NOL4L: variants seen among roughly 807,000 people sequenced by gnomAD.
The protein encoded by NOL4L is nucleolar protein 4 like, also known as nucleolar protein 4-like.
In NOL4L, 7 loss-of-function variants were observed where a neutral mutation model predicts 64.5. That is an observed-to-expected ratio of 0.11 (90% confidence interval 0.06 to 0.20). The LOEUF is 0.20. Among genes scored for constraint, NOL4L ranks in the 10% least tolerant of loss-of-function variants. NOL4L has a pLI of 1.00. For synonymous variants in NOL4L, 413 were observed against 401.0 expected (o/e 1.03, Z -0.36); for missense variants, 680 against 967.1 (o/e 0.70, Z 3.94).
chr20:32,579,312 C>A (rs1368776072), intron 1 of NOL4L, among the ~76,000 whole-genome samples: 1 of 152,180 alleles, frequency 6.6e-6, no homozygotes, highest in African/African-American at 2.4e-5. Flanking sequence ...ACACTCACAC[C>A]CACACAGTTG....
intron 10 of NOL4L, 73 bp downstream of exon 10, chr20:32,452,163 C>A: frequency 7.5e-7 from 1 of 1,341,508 alleles, no homozygotes; most frequent in Non-Finnish European, 9.8e-7. Context: ...CCCCATTCCG[C>A]TGCCCAGGGC....
intron 1 of NOL4L, among the ~76,000 whole-genome samples, chr20:32,548,173 C>T (rs1252883221): frequency 6.6e-6 from 1 of 152,200 alleles, no homozygotes; most frequent in Non-Finnish European, 1.5e-5. Flanking sequence ...TGCCCAAAGA[C>T]AGGTGGGATG....
intron 4 of NOL4L, among the ~76,000 whole-genome samples, chr20:32,506,706 C>A (rs1052965619): frequency 6.6e-6 from 1 of 152,176 alleles, no homozygotes; most frequent in Admixed American, 6.5e-5. Flanking sequence ...CTTCCTGGCA[C>A]TAGCCCCTTC....
intron 1 of NOL4L, among the ~76,000 whole-genome samples, chr20:32,577,187 G>A (rs983216323): frequency 3.3e-5 from 5 of 152,214 alleles, no homozygotes; most frequent in African/African-American, 4.8e-5. Flanking sequence ...GACCCCTGCC[G>A]GAGGGAGGCA....
chr20:32,505,362 A>C (rs192595526), intron 4 of NOL4L, among the ~76,000 whole-genome samples: 1 of 152,334 alleles, frequency 6.6e-6, no homozygotes, highest in East Asian at 1.9e-4. Flanking sequence ...AGTAAACAAA[A>C]TGTGGTTAAT....
chr20:32,456,119 T>C lies in NOL4L; in HGVS notation c.1118A>G (p.Glu373Gly), dbSNP rs766365651. 6.6e-7 allele frequency: 1 copy of C among 1,524,580 alleles called. No homozygotes were observed. Among genetic ancestry groups the C allele is most frequent in the South Asian group, 1.3e-5 (1 of 77,548 alleles). 94.4% of individuals were successfully genotyped at this position (1,524,580 alleles called of 1,614,324 possible). The change falls in exon 6 of 11, where the codon GAG becomes GGG. Residue 373 changes from glutamate to glycine, a missense_variant and splice_region_variant. Transcript: ENST00000621426. ...GACTCAGCCCCCAGCCCCACACACCTCGGGGGTGGTCTTCACCCCGTATTT... is the reference window on the plus strand; with the variant it reads ...GACTCAGCCCCCAGCCCCACACACCCCGGGGGTGGTCTTCACCCCGTATTT... ...RVKYGVKTTPESPPYSSGSYD... is the reference protein window; with the variant it reads ...RVKYGVKTTPGSPPYSSGSYD...
chr20:32,542,835 C>G (rs1294215069), intron 1 of NOL4L, among the ~76,000 whole-genome samples: 9 of 152,236 alleles, frequency 5.9e-5, no homozygotes, highest in Non-Finnish European at 1.3e-4. Context: ...ATTCCAAGCT[C>G]TAGCTCTGGT....
intron 1 of NOL4L, among the ~76,000 whole-genome samples, chr20:32,530,477 C>T (rs1313859687): frequency 6.6e-6 from 1 of 151,706 alleles, no homozygotes; most frequent in Admixed American, 6.6e-5. Flanking sequence ...GGAGGCAGAG[C>T]TTGCAGTGAG....
At chr20:32,561,781 G>C (rs1979035546) in intron 1 of NOL4L, among the ~76,000 whole-genome samples, 2 of 152,168 alleles carry the variant, frequency 1.3e-5, no homozygotes, top group Admixed American at 1.3e-4. Flanking sequence ...GAATGGGGAG[G>C]ACCTAAAAGG....
At chr20:32,554,412 C>T (rs970028793) in intron 1 of NOL4L, among the ~76,000 whole-genome samples, 6 of 151,604 alleles carry the variant, frequency 4.0e-5, no homozygotes, top group East Asian at 1.9e-4. Context: ...ACAGGCTGCA[C>T]AGCCAAACAG....
chr20:32,492,706 A>G (rs2016515675), intron 4 of NOL4L, among the ~76,000 whole-genome samples: 1 of 152,216 alleles, frequency 6.6e-6, no homozygotes, highest in Admixed American at 6.5e-5. Flanking sequence ...TGTATGTGTT[A>G]TCTTATTTAA....
At chr20:32,479,204 AACG>A (rs2015580570) in intron 4 of NOL4L, among the ~76,000 whole-genome samples, 1 of 152,226 alleles carries the variant, frequency 6.6e-6, no homozygotes, top group South Asian at 2.1e-4. Flanking sequence ...AGAACCCGTC[AACG>A]ACAACTGTGC....
chr20:32,510,153 G>C, intron 4 of NOL4L: 2 of 371,850 alleles, frequency 5.4e-6, no homozygotes, highest in Non-Finnish European at 5.3e-6. Context: ...ATGATGTGAA[G>C]TTTTTGGAGA....
chr20:32,527,864 G>A lies in NOL4L; in HGVS notation c.371C>T (p.Ala124Val). The A allele has an allele frequency of 6.4e-7, 1 of 1,550,608 alleles. No individual in the cohort carries two copies. Residue 124 changes from alanine to valine, a missense_variant, in exon 2 of 11, where the codon GCT becomes GTT. Transcript: ENST00000621426. ...GATGTCAAAGAAATCTTCCACCACA[G>A]CGACCCGCTTCAGAGAGATGCCCTC... ...EPEGISLKRV[A>V]VVEDFFDIIY...
intron 1 of NOL4L, among the ~76,000 whole-genome samples, chr20:32,579,295 G>C (rs1259797425): frequency 6.6e-6 from 1 of 152,128 alleles, no homozygotes; most frequent in Non-Finnish European, 1.5e-5. Context: ...ACATAGATAG[G>C]AACAGCACAC....
At chr20:32,543,672 C>T (rs568490773) in intron 1 of NOL4L, among the ~76,000 whole-genome samples, 2 of 152,066 alleles carry the variant, frequency 1.3e-5, no homozygotes, top group African/African-American at 2.4e-5. Flanking sequence ...CACCTGTAGT[C>T]CCAGCTTCTT....
intron 1 of NOL4L, among the ~76,000 whole-genome samples, chr20:32,568,991 C>T (rs901499608): frequency 6.6e-6 from 1 of 152,152 alleles, no homozygotes; most frequent in Non-Finnish European, 1.5e-5. Flanking sequence ...TTGAGGCATT[C>T]ATTTAAAAAA....
At chr20:32,536,069 G>A in intron 1 of NOL4L, 1 of 985,726 alleles carries the variant, frequency 1.0e-6, no homozygotes, top group Non-Finnish European at 1.2e-6. Context: ...TGTGTGAGCA[G>A]ACACCATAGG....
chr20:32,521,660 G>A (rs2017939485), intron 2 of NOL4L, among the ~76,000 whole-genome samples: 1 of 152,218 alleles, frequency 6.6e-6, no homozygotes, highest in Admixed American at 6.5e-5. Flanking sequence ...AAGAAGGGAG[G>A]GAACATGAAA....
Sources: allele counts gnomAD v4.1 joint callset (sites outside exome capture counted in the v4.1 genomes callset), GRCh38; gene constraint gnomAD v4.1.1; transcripts MANE v1.5; gene names NCBI Gene and HGNC (gene_info 2026-07-23, HGNC 2026-07-21).